IPO7: variants seen among roughly 807,000 people sequenced by gnomAD.
IPO7 encodes the protein importin 7, also known as importin-7.
In IPO7, 13 loss-of-function variants were observed where a neutral mutation model predicts 136.4. The observed-to-expected ratio is 0.10, with a 90% CI of 0.06 to 0.15. IPO7 has a LOEUF of 0.15. Among genes scored for constraint, IPO7 ranks in the 10% least tolerant of loss-of-function variants. The pLI is 1.00. For missense variants in IPO7, 857 were observed against 1,240.6 expected, an observed-to-expected ratio of 0.69 and a Z score of 4.65; for synonymous variants, 403 against 404.4, an observed-to-expected ratio of 1.00 and a Z score of 0.04.
chr11:9,412,394 T>C (rs1854979402), intron 4 of IPO7, among the ~76,000 whole-genome samples: 1 of 152,250 alleles, frequency 6.6e-6, no homozygotes, highest in Non-Finnish European at 1.5e-5. Flanking sequence ...GGATGTGCTA[T>C]GGAAAACCAA....
In IPO7 at chr11:9,422,727, C is replaced by T. The variant is rs138179395; in HGVS notation, c.907-279C>T. Among the ~76,000 whole-genome samples the T allele has an allele frequency of 1.9e-3, 290 of 152,112 alleles. 1 individual carries two copies. Among genetic ancestry groups the T allele is most frequent in the African/African-American group, 6.5e-3 (270 of 41,474 alleles). On this transcript the variant is annotated intron_variant, in intron 8 of 24. Transcript: ENST00000379719. Reference sequence around the variant, plus strand: ...CTTTGGGAGGCTGAGATGGGAGAATCGCTTGAGGCCAGGAGTTAGAGACCA... The same window carrying T: ...CTTTGGGAGGCTGAGATGGGAGAATTGCTTGAGGCCAGGAGTTAGAGACCA...
intron 3 of IPO7, 23 bp downstream of exon 3, chr11:9,408,662 C>G: frequency 4.2e-6 from 6 of 1,441,314 alleles, no homozygotes; most frequent in Non-Finnish European, 5.6e-6. Context: ...AAAATTTACC[C>G]ATTTCTGCAG....
intron 19 of IPO7, 103 bp downstream of exon 19, chr11:9,435,134 C>T: frequency 2.7e-6 from 2 of 730,376 alleles, no homozygotes; most frequent in Non-Finnish European, 4.7e-6. Flanking sequence ...AACATGTAAA[C>T]ATGGATCTGA....
Position 9,429,684 on chromosome 11 carries a change from T to C in IPO7, c.1602T>C (p.Tyr534=). 6.2e-7 allele frequency: 1 copy of C among 1,607,080 alleles called. No homozygotes were observed. The highest frequency in any genetic ancestry group is 8.5e-7 in the Non-Finnish European group (1 of 1,178,528). The change falls in exon 15 of 25, where the codon TAT becomes TAC. Residue 534 remains tyrosine, a synonymous_variant. Coordinates refer to ENST00000379719, the MANE Select transcript of IPO7 (RefSeq NM_006391.3). The part of the protein sequence containing the change: ...LISNQEKAKE[Y]ITPFIRPVMQ... Reference sequence around the variant, plus strand: ...CTCTTTCTCTTACAGCTAAAGAATATATCACACCATTCATCAGACCTGTAA... The same window carrying C: ...CTCTTTCTCTTACAGCTAAAGAATACATCACACCATTCATCAGACCTGTAA...
Position 9,428,918 on chromosome 11 carries a change from A to G in IPO7, c.1426-113A>G, listed in dbSNP as rs1420914810. 13 of 928,406 alleles carry G rather than the reference A, an allele frequency of 1.4e-5. No individual in the cohort carries two copies. The East Asian group carries it at 2.6e-4, about 19-fold the overall frequency. The allele number at this position is 928,406 out of a possible 1,614,324, so 57.5% of individuals were successfully genotyped here. A position where few individuals can be genotyped will look rare whatever the true frequency, so the allele number is the denominator to read the frequency against. ...CTGGTCTAGTGTTGTCTCTGGACAC[A>G]TCTACCACTGGCCAGCCTCCAAATT... On this transcript the variant is annotated intron_variant, in intron 13 of 24. Coordinates refer to ENST00000379719, the MANE Select transcript of IPO7 (RefSeq NM_006391.3).
intron 2 of IPO7, among the ~76,000 whole-genome samples, chr11:9,407,585 A>G (rs1854905559): frequency 6.6e-6 from 1 of 152,222 alleles, no homozygotes; most frequent in South Asian, 2.1e-4. Context: ...GTATTTTAAT[A>G]TATAATCTTA....
chr11:9,426,877 G>A (rs1855216777), intron 12 of IPO7, among the ~76,000 whole-genome samples: 1 of 151,282 alleles, frequency 6.6e-6, no homozygotes, highest in African/African-American at 2.4e-5. Context: ...TCCTGCCTCA[G>A]CCTCCCAAGT....
intron 24 of IPO7, among the ~76,000 whole-genome samples, chr11:9,444,749 A>G (rs1855504811): frequency 6.6e-6 from 1 of 151,024 alleles, no homozygotes; most frequent in South Asian, 2.1e-4. Flanking sequence ...GCAGGAGAGA[A>G]TCGCTTGCAC....
chr11:9,408,736 G>A, intron 3 of IPO7, 97 bp downstream of exon 3: 1 of 648,948 alleles, frequency 1.5e-6, no homozygotes, highest in Non-Finnish European at 2.2e-6. Flanking sequence ...TTTTTGAGAT[G>A]GACTTTCCCT....
rs1188709575 is a variant in IPO7, at chr11:9,423,773, G to T, written c.1042-4G>T. Reference sequence around the variant, plus strand: ...TTATTGTTTTCTTAACTTTTAAATTGCAGGGCATTATCCAAGATGTTATTT... The same window carrying T: ...TTATTGTTTTCTTAACTTTTAAATTTCAGGGCATTATCCAAGATGTTATTT... On this transcript the variant is annotated splice_region_variant and splice_polypyrimidine_tract_variant and intron_variant, in intron 9 of 24. Coordinates refer to ENST00000379719, the MANE Select transcript of IPO7 (RefSeq NM_006391.3). The T allele has an allele frequency of 1.3e-6, 2 of 1,547,972 alleles. No individual in the cohort carries two copies. Among genetic ancestry groups the T allele is most frequent in the Admixed American group, 2.0e-5 (1 of 50,162 alleles).
rs1272948570 is a variant in IPO7, at chr11:9,408,595, A to G, written c.276A>G (p.Arg92=). 6.2e-7 allele frequency: 1 copy of G among 1,610,230 alleles called. No individual in the cohort carries two copies. The highest frequency in any genetic ancestry group is 2.2e-5 in the East Asian group (1 of 44,680). ...TIPEEDRHCI[R]ENIVEAIIHS... is the part of the protein sequence containing the mutation. ...CAGAAGAAGATCGCCATTGTATTCG[A>G]GAAAATATTGTAGAAGCCATTATCC... is the stretch of plus-strand genomic sequence containing the variant. Residue 92 remains arginine, a synonymous_variant, in exon 3 of 25, where the codon CGA becomes CGG. Transcript: ENST00000379719.
chr11:9,439,832 T>G (rs1373291694), intron 22 of IPO7, among the ~76,000 whole-genome samples: 1 of 151,704 alleles, frequency 6.6e-6, no homozygotes, highest in Admixed American at 6.6e-5. Flanking sequence ...CTTGGCCTCC[T>G]AAAGTGTTGG....
At chr11:9,422,859 A>G in intron 8 of IPO7, 147 bp from the exon 9 acceptor site, 1 of 448,272 alleles carries the variant, frequency 2.2e-6, no homozygotes, top group Non-Finnish European at 4.0e-6. Flanking sequence ...TTAATCAGAA[A>G]TGAGTTAAAT....
chr11:9,415,698 C>T (rs970622344), intron 5 of IPO7, among the ~76,000 whole-genome samples: 15 of 151,936 alleles, frequency 9.9e-5, no homozygotes, highest in Middle Eastern at 3.2e-3. Flanking sequence ...ATTAGCTGGG[C>T]GTGGTGGCGG....
At chr11:9,443,331 AC>A (rs1210532401) in intron 24 of IPO7, among the ~76,000 whole-genome samples, 2 of 151,560 alleles carry the variant, frequency 1.3e-5, no homozygotes, top group African/African-American at 4.8e-5. Flanking sequence ...AGTGGCTCAC[AC>A]CTGTAATCCC....
At chr11:9,433,661 G>A in intron 17 of IPO7, 25 bp downstream of exon 17, 1 of 1,612,864 alleles carries the variant, frequency 6.2e-7, no homozygotes. Flanking sequence ...ATTGTGCTAA[G>A]AATTTAGTGC....
At chr11:9,419,559 A>AAAAAAAATATATATATATATAT (rs1256216265) in intron 6 of IPO7, among the ~76,000 whole-genome samples, 21 of 116,834 alleles carry the variant, frequency 1.8e-4, no homozygotes, top group African/African-American at 7.5e-4. Flanking sequence ...AAAAAAAAAA[A>AAAAAAAATATATATATATATAT]ATATATATAT....
At chr11:9,403,889 T>C (rs1328546668) in intron 2 of IPO7, among the ~76,000 whole-genome samples, 1 of 152,138 alleles carries the variant, frequency 6.6e-6, no homozygotes, top group Admixed American at 6.5e-5. Context: ...TTGTAGGCAG[T>C]CTCACTCTGT....
intron 16 of IPO7, among the ~76,000 whole-genome samples, chr11:9,432,939 A>G (rs1227403204): frequency 2.7e-5 from 4 of 150,390 alleles, no homozygotes; most frequent in Non-Finnish European, 5.9e-5. Context: ...AATTACATTG[A>G]GCTGAATTAA....
Sources: allele counts gnomAD v4.1 joint callset (sites outside exome capture counted in the v4.1 genomes callset), GRCh38; gene constraint gnomAD v4.1.1; transcripts MANE v1.5; gene names NCBI Gene and HGNC (gene_info 2026-07-23, HGNC 2026-07-21).